Variants in MAMDC2 observed in about 807,000 individuals in gnomAD.
MAMDC2 encodes MAM domain containing 2.
A neutral mutation model predicts 89.8 loss-of-function variants in MAMDC2; 57 were observed. The observed-to-expected ratio is 0.63, with a 90% CI of 0.51 to 0.79. The LOEUF (loss-of-function observed/expected upper bound fraction) is 0.79, where lower values mean the gene tolerates loss of function less well. MAMDC2 is among the 30% of genes least tolerant of loss of function. MAMDC2 has a pLI of 0.00. For missense variants in MAMDC2, 800 were observed against 820.6 expected, an observed-to-expected ratio of 0.97 and a Z score of 0.31; for synonymous variants, 313 against 293.4, an observed-to-expected ratio of 1.07 and a Z score of -0.68.
intron 2 of MAMDC2, among the ~76,000 whole-genome samples, chr9:70,095,667 G>A (rs1828012493): frequency 6.6e-6 from 1 of 152,236 alleles, no homozygotes; most frequent in Admixed American, 6.5e-5. Flanking sequence ...GGAAGTGATA[G>A]GGGATCAGGC....
At chr9:70,102,553 G>A (rs1351285009) in intron 2 of MAMDC2, among the ~76,000 whole-genome samples, 2 of 152,124 alleles carry the variant, frequency 1.3e-5, no homozygotes, top group Non-Finnish European at 2.9e-5. Flanking sequence ...AGTTATTTAT[G>A]GCTTGGCTTC....
chr9:70,149,222 AAAAG>A (rs2031509062), intron 9 of MAMDC2, among the ~76,000 whole-genome samples: 1 of 151,182 alleles, frequency 6.6e-6, no homozygotes, highest in Admixed American at 6.6e-5. Flanking sequence ...AAAAAAAAAA[AAAAG>A]AAATTATAAA....
At chr9:70,147,091 A>G (rs2031429118) in intron 9 of MAMDC2, among the ~76,000 whole-genome samples, 1 of 149,626 alleles carries the variant, frequency 6.7e-6, no homozygotes, top group Non-Finnish European at 1.5e-5. Flanking sequence ...CCCCATCTCC[A>G]CTAAAAATAC....
intron 11 of MAMDC2, among the ~76,000 whole-genome samples, chr9:70,213,219 C>T (rs1056415220): frequency 5.9e-5 from 9 of 152,178 alleles, no homozygotes; most frequent in African/African-American, 2.2e-4. Flanking sequence ...ACTTCCCCTC[C>T]ATTTTGAAAA....
At chr9:70,144,057 C>T (rs770362335) in intron 9 of MAMDC2, among the ~76,000 whole-genome samples, 16 of 152,154 alleles carry the variant, frequency 1.1e-4, no homozygotes, top group Non-Finnish European at 1.9e-4. Context: ...TCTTAAATTC[C>T]CTAAGACTAA....
intron 2 of MAMDC2, among the ~76,000 whole-genome samples, chr9:70,066,250 G>C (rs2118057563): frequency 6.6e-6 from 1 of 152,244 alleles, no homozygotes; most frequent in South Asian, 2.1e-4. Context: ...GGGAAAGCAA[G>C]GGCAAAATCC....
chr9:70,171,678 A>G (rs2032353954), intron 11 of MAMDC2, among the ~76,000 whole-genome samples: 1 of 152,146 alleles, frequency 6.6e-6, no homozygotes, highest in African/African-American at 2.4e-5. Flanking sequence ...TAGAGAAACC[A>G]TTATGATAGT....
intron 2 of MAMDC2, among the ~76,000 whole-genome samples, chr9:70,058,800 A>G (rs979880568): frequency 6.6e-6 from 1 of 152,240 alleles, no homozygotes; most frequent in Non-Finnish European, 1.5e-5. Context: ...AGGTTCTCCC[A>G]TACACAGGGA....
intron 9 of MAMDC2, among the ~76,000 whole-genome samples, chr9:70,156,854 T>C (rs908339245): frequency 6.6e-6 from 1 of 152,250 alleles, no homozygotes; most frequent in Non-Finnish European, 1.5e-5. Flanking sequence ...CAGTTATTTG[T>C]TGAGACCTTC....
intron 2 of MAMDC2, among the ~76,000 whole-genome samples, chr9:70,065,493 G>A (rs867494097): frequency 3.3e-5 from 5 of 151,180 alleles, no homozygotes; most frequent in Non-Finnish European, 5.9e-5. Flanking sequence ...TGGTGGCTTT[G>A]AAAAATCCTA....
intron 2 of MAMDC2, among the ~76,000 whole-genome samples, chr9:70,050,709 T>C (rs1197235974): frequency 6.6e-6 from 1 of 152,222 alleles, no homozygotes; most frequent in African/African-American, 2.4e-5. Flanking sequence ...CAGACAGCTT[T>C]CCAAAACAGC....
chr9:70,198,255 C>A (rs1404842572), intron 11 of MAMDC2, among the ~76,000 whole-genome samples: 1 of 150,880 alleles, frequency 6.6e-6, no homozygotes, highest in African/African-American at 2.4e-5. Flanking sequence ...GAGATATATA[C>A]AAACTACATA....
intron 5 of MAMDC2, among the ~76,000 whole-genome samples, chr9:70,114,097 T>C (rs1828579931): frequency 6.6e-6 from 1 of 151,630 alleles, no homozygotes; most frequent in South Asian, 2.1e-4. Flanking sequence ...CAACTCTTTT[T>C]TTCAAAAGTG....
chr9:70,127,422 T>A (rs549521937), intron 6 of MAMDC2, among the ~76,000 whole-genome samples: 1 of 148,528 alleles, frequency 6.7e-6, no homozygotes, highest in African/African-American at 2.5e-5. Flanking sequence ...TATAAAGATT[T>A]GGAGCTATAA....
At chr9:70,114,018 T>G (rs1250015436) in intron 5 of MAMDC2, among the ~76,000 whole-genome samples, 1 of 152,042 alleles carries the variant, frequency 6.6e-6, no homozygotes, top group African/African-American at 2.4e-5. Context: ...TAATGACCTT[T>G]TATGGTTCTT....
chr9:70,116,489 T>A (rs1475927226), intron 5 of MAMDC2, among the ~76,000 whole-genome samples: 1 of 90,188 alleles, frequency 1.1e-5, no homozygotes, highest in Non-Finnish European at 2.8e-5. Flanking sequence ...ACTAAACCCT[T>A]AATTTCTTAG....
At chr9:70,179,287 C>A (rs1458594813) in intron 11 of MAMDC2, among the ~76,000 whole-genome samples, 1 of 151,788 alleles carries the variant, frequency 6.6e-6, no homozygotes, top group Non-Finnish European at 1.5e-5. Context: ...CTGAGGCAGG[C>A]GGATCACGAG....
chr9:70,100,782 G>T (rs925608812), intron 2 of MAMDC2, among the ~76,000 whole-genome samples: 6 of 152,152 alleles, frequency 3.9e-5, no homozygotes, highest in Non-Finnish European at 7.3e-5. Flanking sequence ...AACGAATGAG[G>T]CCTGTTCTCA....
intron 2 of MAMDC2, among the ~76,000 whole-genome samples, chr9:70,100,236 C>T (rs1296633170): frequency 2.0e-5 from 3 of 152,158 alleles, no homozygotes; most frequent in Non-Finnish European, 4.4e-5. Context: ...TTTTAACATC[C>T]TCACTTTACC....
Sources: gnomAD v4.1 joint callset for allele counts (sites outside exome capture counted in the v4.1 genomes callset) on GRCh38, gnomAD v4.1.1 for gene constraint, MANE v1.5 for transcripts, NCBI Gene and HGNC (gene_info 2026-07-23, HGNC 2026-07-21) for gene names.